Variants in SEMA3A observed in about 807,000 individuals in gnomAD.
SEMA3A encodes semaphorin 3A.
In SEMA3A, 29 loss-of-function variants were observed where a neutral mutation model predicts 97.9. The observed-to-expected ratio is 0.30, with a 90% CI of 0.22 to 0.40. The LOEUF is 0.40. Ranked by LOEUF, SEMA3A falls within the 10% of genes least tolerant of loss-of-function variation. The pLI is 1.00. For synonymous variants in SEMA3A, 321 were observed against 323.7 expected (o/e 0.99, Z 0.09); for missense variants, 763 against 951.3 (o/e 0.80, Z 2.60).
At chr7:84,450,081 C>T (rs1418772618) in intron 1 of SEMA3A, among the ~76,000 whole-genome samples, 3 of 152,038 alleles carry the variant, frequency 2.0e-5, no homozygotes, top group African/African-American at 4.8e-5. Context: ...GACTTCAATT[C>T]TTTTGGATAA....
chr7:84,448,381 A>AT (rs1409719577), intron 1 of SEMA3A, among the ~76,000 whole-genome samples: 1 of 152,202 alleles, frequency 6.6e-6, no homozygotes. Flanking sequence ...TTTGCAGCTG[A>AT]TATATATAGG....
intron 3 of SEMA3A, among the ~76,000 whole-genome samples, chr7:84,125,229 T>C (rs35474407): frequency 2.1e-4 from 32 of 152,198 alleles, no homozygotes; most frequent in Non-Finnish European, 3.8e-4. Flanking sequence ...TATCACACCA[T>C]TGCACTTTTA....
intron 4 of SEMA3A, among the ~76,000 whole-genome samples, chr7:84,068,436 A>C (rs1188620869): frequency 2.0e-5 from 3 of 148,310 alleles, no homozygotes; most frequent in South Asian, 4.1e-4. Context: ...AAAAAAAAAA[A>C]AAACTGGAAA....
In SEMA3A at chr7:84,035,496, T is replaced by C. The variant is rs192331388; in HGVS notation, c.667+10828A>G. On this transcript the variant is annotated intron_variant, in intron 6 of 16. Coordinates refer to ENST00000265362, the MANE Select transcript of SEMA3A (RefSeq NM_006080.3). Reference sequence around the variant, plus strand: ...TTACTTAAGAAAATTATTTAGAACATGTATTTTTTAAGTTCTTATTTATTC... The same window carrying C: ...TTACTTAAGAAAATTATTTAGAACACGTATTTTTTAAGTTCTTATTTATTC... Among the ~76,000 whole-genome samples, 220 of 152,176 alleles carry C rather than the reference T, an allele frequency of 1.4e-3. 2 individuals are homozygous for C. In the East Asian group the frequency reaches 0.016, roughly 11 times the overall value.
chr7:84,244,187 G>C (rs1799428938), intron 3 of SEMA3A, among the ~76,000 whole-genome samples: 1 of 152,096 alleles, frequency 6.6e-6, no homozygotes, highest in Non-Finnish European at 1.5e-5. Flanking sequence ...ATTGACAGTA[G>C]GGTGTTAAAG....
chr7:84,181,395 C>A (rs1268193565), intron 1 of SEMA3A, among the ~76,000 whole-genome samples: 1 of 149,544 alleles, frequency 6.7e-6, no homozygotes, highest in Non-Finnish European at 1.5e-5. Flanking sequence ...TGATATCATG[C>A]TAAAAGAAAA....
At chr7:84,009,299 G>A (rs186811676) in intron 9 of SEMA3A, among the ~76,000 whole-genome samples, 25 of 152,340 alleles carry the variant, frequency 1.6e-4, no homozygotes, top group Admixed American at 4.6e-4. Flanking sequence ...AGTCTCTCAA[G>A]TTCTATAGCT....
intron 4 of SEMA3A, among the ~76,000 whole-genome samples, chr7:84,088,862 C>T (rs1294129410): frequency 6.6e-6 from 1 of 151,764 alleles, no homozygotes; most frequent in Non-Finnish European, 1.5e-5. Context: ...GAAAGTATTC[C>T]TTTGTGAGTG....
Position 84,305,715 on chromosome 7 carries a change from A to G in SEMA3A, c.-83+1492T>C, listed in dbSNP as rs150558910. Among the ~76,000 whole-genome samples, 23 of 152,120 alleles carry G rather than the reference A, an allele frequency of 1.5e-4. No homozygotes were observed. The East Asian group carries it at 3.7e-3, about 24-fold the overall frequency. On this transcript the variant is annotated intron_variant, in intron 3 of 3. Coordinates refer to the SEMA3A transcript ENST00000424555. ...AATTAGTACCCAGGAAATTTGTCTC[A>G]TGAATCTTGCCTCCTTTACTGGTGA...
intron 1 of SEMA3A, among the ~76,000 whole-genome samples, chr7:84,409,132 C>T (rs888046725): frequency 1.3e-5 from 2 of 150,050 alleles, no homozygotes; most frequent in Admixed American, 1.3e-4. Flanking sequence ...TTTGACAGCA[C>T]AATAGGACAC....
At chr7:84,166,963 T>C (rs181719031) in intron 1 of SEMA3A, among the ~76,000 whole-genome samples, 1 of 91,002 alleles carries the variant, frequency 1.1e-5, no homozygotes, top group Admixed American at 1.3e-4. Context: ...CTATATAAAT[T>C]TGTGCCTATT....
chr7:83,992,587 A>G (rs1476605548), intron 12 of SEMA3A, among the ~76,000 whole-genome samples: 1 of 151,870 alleles, frequency 6.6e-6, no homozygotes, highest in Admixed American at 6.6e-5. Flanking sequence ...CCCAGTAGTC[A>G]CTCAGGAGCA....
In SEMA3A at chr7:84,232,956, A is replaced by C. The variant is rs541950955; in HGVS notation, c.-82-38288T>G. ...TGATGTCAACAAGTCCCTTCTTAGG[A>C]TGTATTGAGCAGTGAAGGATTAATT... On this transcript the variant is annotated intron_variant, in intron 3 of 3. Coordinates refer to the SEMA3A transcript ENST00000424555. Among the ~76,000 whole-genome samples, 5 of 152,074 alleles carry C rather than the reference A, an allele frequency of 3.3e-5. No individual in the cohort carries two copies. In the South Asian group the frequency reaches 1.0e-3, roughly 31 times the overall value.
Position 84,185,526 on chromosome 7 carries a change from TA to T in SEMA3A, c.112+8948del, listed in dbSNP as rs937506741. On this transcript the variant is annotated intron_variant, in intron 1 of 16. Coordinates refer to ENST00000265362, the MANE Select transcript of SEMA3A (RefSeq NM_006080.3). ...ATCTCTACTAAAAAAATTTAAAAAA[TA>T]AAAAAAATAAAAAATTAGCCAGGCA... is the stretch of plus-strand genomic sequence containing the variant. 1.3e-4 allele frequency among the ~76,000 whole-genome samples: 17 copies of T among 131,858 alleles called. No homozygotes were observed. In the East Asian group the frequency reaches 3.4e-3, roughly 26 times the overall value. 86.5% of individuals were successfully genotyped at this position (131,858 alleles called of 152,430 possible).
Position 84,055,694 on chromosome 7 carries a change from C to A in SEMA3A, c.547+4771G>T, listed in dbSNP as rs539785858. 2.0e-5 allele frequency among the ~76,000 whole-genome samples: 3 copies of A among 152,274 alleles called. No homozygotes were observed. In the East Asian group the frequency reaches 5.8e-4, roughly 29 times the overall value. ...GTTGCTCACGCTCGGAGCTGTAGAT[C>A]GGAGCTGTTCCTATTCAGCCATCTT... On this transcript the variant is annotated intron_variant, in intron 5 of 16. Coordinates refer to ENST00000265362, the MANE Select transcript of SEMA3A (RefSeq NM_006080.3).
At chr7:83,965,611 G>A (rs1340159861) in intron 15 of SEMA3A, among the ~76,000 whole-genome samples, 1 of 100,650 alleles carries the variant, frequency 9.9e-6, no homozygotes, top group Non-Finnish European at 1.8e-5. Context: ...CAATACCAAT[G>A]TAACACCAAT....
intron 15 of SEMA3A, among the ~76,000 whole-genome samples, chr7:83,964,789 T>A (rs960198517): frequency 3.3e-5 from 5 of 152,134 alleles, no homozygotes; most frequent in Non-Finnish European, 5.9e-5. Flanking sequence ...TGATTCCAAG[T>A]CACATTTAAA....
At chr7:84,447,119 A>G (rs560486122) in intron 1 of SEMA3A, among the ~76,000 whole-genome samples, 1 of 152,294 alleles carries the variant, frequency 6.6e-6, no homozygotes, top group Admixed American at 6.5e-5. Flanking sequence ...CGACCTGGCC[A>G]GGTGTGCACA....
chr7:84,095,251 ATAT>A (rs11471218), intron 4 of SEMA3A, among the ~76,000 whole-genome samples: 58,199 of 142,830 alleles, frequency 0.41, 13,711 homozygotes, highest in Non-Finnish European at 0.52. Context: ...ATATGTTTAT[ATAT>A]TATTATATAC....
Sources: gnomAD v4.1 joint callset for allele counts (sites outside exome capture counted in the v4.1 genomes callset) on GRCh38, gnomAD v4.1.1 for gene constraint, MANE v1.5 for transcripts, NCBI Gene and HGNC (gene_info 2026-07-23, HGNC 2026-07-21) for gene names.